The following TTLL7 variants were observed in gnomAD, a reference collection of about 807,000 sequenced individuals.
TTLL7 encodes the protein tubulin polyglutamylase TTLL7.
Under a neutral mutation model 120.2 loss-of-function variants are expected in TTLL7, and 53 were observed. The ratio of observed to expected loss-of-function variants is 0.44; its 90% CI spans 0.35 to 0.55. TTLL7 has a LOEUF of 0.55. Ranked by LOEUF, TTLL7 falls within the 20% of genes least tolerant of loss-of-function variation. The pLI, the probability that TTLL7 is intolerant of heterozygous loss-of-function variation, is 0.00. For missense variants in TTLL7, 803 were observed against 1,054.7 expected (o/e 0.76, Z 3.31); for synonymous variants, 353 against 351.7 (o/e 1.00, Z -0.04).
Position 83,865,578 on chromosome 1 carries a change from A to C in TTLL7, c.*4384T>G, listed in dbSNP as rs1369687690. On this transcript the variant is annotated 3_prime_UTR_variant, in exon 21 of 21. Transcript: ENST00000260505. ...AAATGGCAGCAATCTCAAAGTGTGC[A>C]GTAAATTTTAATATACCAATTTTGG... 1.3e-5 allele frequency: 2 copies of C among 152,042 alleles called. No homozygotes were observed. The highest frequency in any genetic ancestry group is 2.9e-5 in the Non-Finnish European group (2 of 67,898). The allele number at this position is 152,042 out of a possible 1,614,324, so 9.4% of individuals were successfully genotyped here.
chr1:83,964,517 T>C (rs551798311), intron 1 of TTLL7, among the ~76,000 whole-genome samples: 29 of 152,288 alleles, frequency 1.9e-4, no homozygotes, highest in South Asian at 1.9e-3. Context: ...CATTATTTTA[T>C]TCTATATCTT....
At chr1:83,903,417 T>A (rs960554464) in intron 18 of TTLL7, among the ~76,000 whole-genome samples, 1 of 152,010 alleles carries the variant, frequency 6.6e-6, no homozygotes, top group African/African-American at 2.4e-5. Flanking sequence ...TCTATTTTTT[T>A]ATCTCAATTT....
At chr1:83,891,113 A>G (rs1025043305) in intron 18 of TTLL7, among the ~76,000 whole-genome samples, 1 of 152,102 alleles carries the variant, frequency 6.6e-6, no homozygotes, top group Admixed American at 6.6e-5. Flanking sequence ...ATAAAAGATT[A>G]ATAGATTTTG....
chr1:83,992,114 T>C (rs1014789782), intron 1 of TTLL7, among the ~76,000 whole-genome samples: 1 of 152,184 alleles, frequency 6.6e-6, no homozygotes, highest in South Asian at 2.1e-4. Context: ...ATAACATATG[T>C]AGCAGTAAAT....
In TTLL7 at chr1:83,875,282, G is replaced by A. The variant is rs547077089; in HGVS notation, c.2544-5200C>T. Among the ~76,000 whole-genome samples the A allele has an allele frequency of 2.8e-4, 42 of 151,862 alleles. 1 individual carries two copies. The South Asian group carries it at 4.6e-3, about 17-fold the overall frequency. On this transcript the variant is annotated intron_variant, in intron 20 of 20. Coordinates refer to ENST00000260505, the MANE Select transcript of TTLL7 (RefSeq NM_024686.6). ...CCTGTTTTTGATTTTTCAATAAATG[G>A]ACACAATATATATTCCTTTGTATCT... is the stretch of plus-strand genomic sequence containing the variant.
intron 18 of TTLL7, among the ~76,000 whole-genome samples, chr1:83,897,629 G>A (rs1201604598): frequency 1.3e-5 from 2 of 151,968 alleles, no homozygotes; most frequent in Admixed American, 1.3e-4. Context: ...AAGCATGGCT[G>A]GGATACGAGT....
intron 14 of TTLL7, among the ~76,000 whole-genome samples, chr1:83,915,554 G>A (rs1205354302): frequency 6.6e-6 from 1 of 152,040 alleles, no homozygotes; most frequent in Admixed American, 6.6e-5. Flanking sequence ...AGAAAACCTA[G>A]GCAATACCAT....
At chr1:83,890,571 C>T in intron 18 of TTLL7, 90 bp from the exon 19 acceptor site, 1 of 1,037,766 alleles carries the variant, frequency 9.6e-7, no homozygotes, top group South Asian at 1.6e-5. Flanking sequence ...AGTTCCAGAC[C>T]AGCCTGGGCA....
chr1:83,880,914 C>A (rs1209922647), intron 20 of TTLL7, among the ~76,000 whole-genome samples: 4 of 152,022 alleles, frequency 2.6e-5, no homozygotes, highest in Non-Finnish European at 5.9e-5. Context: ...TGGAACAGAA[C>A]AGAGCCCTCA....
chr1:83,881,425 A>G (rs1460991122), intron 20 of TTLL7, among the ~76,000 whole-genome samples: 10 of 151,198 alleles, frequency 6.6e-5, no homozygotes, highest in Non-Finnish European at 1.5e-4. Flanking sequence ...AAAGTGGGCA[A>G]AGGACATGAA....
chr1:83,952,451 C>G, intron 1 of TTLL7, 64 bp from the exon 2 acceptor site: 1 of 393,638 alleles, frequency 2.5e-6, no homozygotes, highest in Non-Finnish European at 4.5e-6. Flanking sequence ...TCATATATGC[C>G]AAGACTATTC....
intron 10 of TTLL7, among the ~76,000 whole-genome samples, chr1:83,922,679 ACATG>A: frequency 6.6e-6 from 1 of 151,620 alleles, no homozygotes; most frequent in Non-Finnish European, 1.5e-5. Flanking sequence ...TCAGCTTCTC[ACATG>A]GACTTGAATA....
rs984640066 is a variant in TTLL7, at chr1:83,866,349, G to A, written c.*3613C>T. 1.3e-5 allele frequency: 2 copies of A among 151,672 alleles called. No homozygotes were observed. The highest frequency in any genetic ancestry group is 2.4e-5 in the African/African-American group (1 of 41,368). The allele number at this position is 151,672 out of a possible 1,614,324, so 9.4% of individuals were successfully genotyped here. ...GTACTTTGACATGCTAAAGAAGAACGTATTTGGATTATTAAAACATCTGAA... is the reference window on the plus strand; with the variant it reads ...GTACTTTGACATGCTAAAGAAGAACATATTTGGATTATTAAAACATCTGAA... On this transcript the variant is annotated 3_prime_UTR_variant, in exon 21 of 21. Coordinates refer to ENST00000260505, the MANE Select transcript of TTLL7 (RefSeq NM_024686.6).
At chr1:83,919,575 A>C in intron 13 of TTLL7, 124 bp downstream of exon 13, 1 of 870,504 alleles carries the variant, frequency 1.1e-6, no homozygotes, top group Non-Finnish European at 1.7e-6. Flanking sequence ...TTAAAATAGA[A>C]AGCTTGGGGA....
intron 18 of TTLL7, among the ~76,000 whole-genome samples, chr1:83,892,552 A>G (rs1435051171): frequency 5.1e-4 from 40 of 79,146 alleles, no homozygotes; most frequent in African/African-American, 1.3e-3. Flanking sequence ...ATGAACATAT[A>G]TATGAACATA....
rs772300853 is a variant in TTLL7, at chr1:83,911,204, G to A, written c.1747C>T (p.Leu583Phe). Residue 583 changes from leucine to phenylalanine, a missense_variant, in exon 15 of 21, where the codon CTT becomes TTT. Physicochemically the swap from Leu to Phe is conservative, Grantham distance 22. Around this residue, in one of 3 missense-constraint regions of TTLL7, gnomAD observed 388 missense variants for 450.4 expected, o/e 0.86. Coordinates refer to ENST00000260505, the MANE Select transcript of TTLL7 (RefSeq NM_024686.6). The part of the protein sequence containing the change: ...KKREKQVTYN[L>F]KPSNHYKLIQ... Reference sequence around the variant, plus strand: ...AATTTGTAGTGGTTGGAGGGTTTAAGATTATATGTAACTTGCTTTTCTCTT... The same window carrying A: ...AATTTGTAGTGGTTGGAGGGTTTAAAATTATATGTAACTTGCTTTTCTCTT... 6.2e-7 allele frequency: 1 copy of A among 1,612,960 alleles called. No individual in the cohort carries two copies. The highest frequency in any genetic ancestry group is 8.5e-7 in the Non-Finnish European group (1 of 1,179,126).
intron 1 of TTLL7, among the ~76,000 whole-genome samples, chr1:83,958,964 CATT>C (rs1649781071): frequency 6.6e-6 from 1 of 152,078 alleles, no homozygotes; most frequent in Non-Finnish European, 1.5e-5. Flanking sequence ...CAATGTTTAT[CATT>C]ATGCAGATAC....
At chr1:83,997,310 G>A (rs1412930688) in intron 1 of TTLL7, among the ~76,000 whole-genome samples, 2 of 152,172 alleles carry the variant, frequency 1.3e-5, no homozygotes, top group Non-Finnish European at 2.9e-5. Flanking sequence ...AACAAGAGAT[G>A]CATTTCTTAA....
At chr1:83,905,760 A>C (rs2100760558) in intron 17 of TTLL7, among the ~76,000 whole-genome samples, 1 of 152,122 alleles carries the variant, frequency 6.6e-6, no homozygotes, top group Non-Finnish European at 1.5e-5. Flanking sequence ...ATTAGGAGTA[A>C]GTCACTGGTT....
Sources: gnomAD v4.1 joint callset for allele counts (sites outside exome capture counted in the v4.1 genomes callset) on GRCh38, gnomAD v4.1.1 for gene constraint, gnomAD v4.1.1 regional missense constraint, MANE v1.5 for transcripts, NCBI Gene and HGNC (gene_info 2026-07-23, HGNC 2026-07-21) for gene names.